MAPRE2: variants seen among roughly 807,000 people sequenced by gnomAD.
MAPRE2 encodes microtubule associated protein RP/EB family member 2, also known as microtubule-associated protein RP/EB family member 2.
In MAPRE2, 13 loss-of-function variants were observed where a neutral mutation model predicts 43.2. The observed-to-expected ratio is 0.30, with a 90% confidence interval of 0.20 to 0.48. The LOEUF is 0.48. MAPRE2 is among the 20% of genes least tolerant of loss of function. The pLI is 0.99. For missense variants in MAPRE2, 161 were observed against 400.2 expected, an observed-to-expected ratio of 0.40 and a Z score of 5.10; for synonymous variants, 135 against 148.8, an observed-to-expected ratio of 0.91 and a Z score of 0.68.
At chr18:35,038,167 T>G (rs1004461038), upstream of MAPRE2, among the ~76,000 whole-genome samples, 1 of 152,174 alleles carries the variant, frequency 6.6e-6, no homozygotes, top group African/African-American at 2.4e-5. Context: ...ACTTCACCTC[T>G]GCTGTAAAGA....
intron 6 of MAPRE2, among the ~76,000 whole-genome samples, chr18:35,135,729 T>G (rs1361760462): frequency 1.3e-5 from 2 of 152,238 alleles, no homozygotes; most frequent in Non-Finnish European, 2.9e-5. Context: ...AGCCCCACAC[T>G]TGTGTGATGG....
At chr18:35,084,280 AAAT>A (rs1214365821) in intron 2 of MAPRE2, among the ~76,000 whole-genome samples, 4 of 152,196 alleles carry the variant, frequency 2.6e-5, no homozygotes, top group African/African-American at 9.7e-5. Context: ...TCTCAAAAAA[AAAT>A]AATAAATAAA....
intron 1 of MAPRE2, among the ~76,000 whole-genome samples, chr18:34,992,759 C>T (rs1480242184): frequency 1.3e-5 from 2 of 152,104 alleles, no homozygotes; most frequent in Non-Finnish European, 2.9e-5. Flanking sequence ...TTTAAACATC[C>T]ATTTAACATA....
At chr18:34,987,931 C>T (rs1333011654) in intron 1 of MAPRE2, among the ~76,000 whole-genome samples, 2 of 152,206 alleles carry the variant, frequency 1.3e-5, no homozygotes, top group African/African-American at 2.4e-5. Context: ...GCATGAGCCA[C>T]CGCACCTGGC....
At position 35,013,269 on chromosome 18, in the gene MAPRE2, G is replaced by C. The variant is rs527664120; in HGVS notation, c.-8+7716G>C. ...ATGGAGACAGAAAGCAGGACCTGTG[G>C]GGAAGAAGAGTTGATTTAAGGTAGA... On this transcript the variant is annotated intron_variant, in intron 2 of 7. Coordinates refer to the MAPRE2 transcript ENST00000413393. Among the ~76,000 whole-genome samples the C allele has an allele frequency of 2.6e-5, 4 of 152,232 alleles. No individual in the cohort carries two copies. The East Asian group carries it at 7.7e-4, about 29-fold the overall frequency.
intron 1 of MAPRE2, among the ~76,000 whole-genome samples, chr18:35,003,995 C>T (rs1232549466): frequency 1.3e-5 from 2 of 152,160 alleles, no homozygotes; most frequent in Non-Finnish European, 2.9e-5. Context: ...ACACTATGTA[C>T]ACCATTCATG....
At position 34,998,573 on chromosome 18, in the gene MAPRE2, C is replaced by T. The variant is rs191420461; in HGVS notation, c.-69-6919C>T. ...CGATCTCCTGACCTCGTGATCTGCC[C>T]GCCTCGGCCTCCCAAAGTGCTGGGA... On this transcript the variant is annotated intron_variant, in intron 1 of 7. Transcript: ENST00000413393. Among the ~76,000 whole-genome samples the T allele has an allele frequency of 7.9e-3, 1,204 of 151,678 alleles. 17 individuals are homozygous for T. The highest frequency in any genetic ancestry group is 0.028 in the African/African-American group (1,140 of 41,358).
chr18:35,128,910 G>C (rs549611178), intron 5 of MAPRE2, among the ~76,000 whole-genome samples: 1 of 152,144 alleles, frequency 6.6e-6, no homozygotes, highest in Admixed American at 6.5e-5. Flanking sequence ...CCCCTCCTTG[G>C]GGCTGGCTGT....
chr18:35,021,142 G>C (rs1461953925), intron 2 of MAPRE2, among the ~76,000 whole-genome samples: 1 of 152,128 alleles, frequency 6.6e-6, no homozygotes, highest in Non-Finnish European at 1.5e-5. Context: ...GGAGGATTAA[G>C]GAAGAAAGAT....
intron 2 of MAPRE2, among the ~76,000 whole-genome samples, chr18:35,022,455 GA>G (rs1303130515): frequency 1.3e-5 from 2 of 151,878 alleles, no homozygotes; most frequent in Admixed American, 1.3e-4. Context: ...AAAAGCTCTA[GA>G]AAAAAATATA....
intron 1 of MAPRE2, among the ~76,000 whole-genome samples, chr18:35,002,835 C>T (rs982585276): frequency 6.6e-6 from 1 of 152,024 alleles, no homozygotes; most frequent in Non-Finnish European, 1.5e-5. Flanking sequence ...CTTGCAAATA[C>T]TTTCTTCTAG....
chr18:35,038,853 G>T (rs1390115209), upstream of MAPRE2, among the ~76,000 whole-genome samples: 1 of 152,086 alleles, frequency 6.6e-6, no homozygotes, highest in African/African-American at 2.4e-5. Context: ...GAGTTCTGTG[G>T]GTCCCTTTAT....
chr18:35,083,164 T>C (rs1055657669), intron 2 of MAPRE2, among the ~76,000 whole-genome samples: 2 of 152,212 alleles, frequency 1.3e-5, no homozygotes, highest in African/African-American at 4.8e-5. Flanking sequence ...TTCTTAAGTC[T>C]TACCTTAAAT....
Position 34,998,772 on chromosome 18 carries a change from A to ATTTTTTTTTTTTTTTTTTTTTTTTTTTTT in MAPRE2, c.-69-6692_-69-6691insTTTTTTTTTTTTTTTTTTTTTTTTTTTTT, listed in dbSNP as rs67933808. Among the ~76,000 whole-genome samples, 3 of 93,726 alleles carry ATTTTTTTTTTTTTTTTTTTTTTTTTTTTT rather than the reference A, an allele frequency of 3.2e-5. 1 individual carries two copies. Among genetic ancestry groups the ATTTTTTTTTTTTTTTTTTTTTTTTTTTTT allele is most frequent in the African/African-American group, 1.5e-4 (3 of 20,168 alleles). 61.5% of individuals were successfully genotyped at this position (93,726 alleles called of 152,430 possible). ...GCCACTGAGCCTGGCCGAAGTTGCA[A>ATTTTTTTTTTTTTTTTTTTTTTTTTTTTT]TTTTTTTTTTTTTTTTTTTTTTTTT... On this transcript the variant is annotated intron_variant, in intron 1 of 7. Transcript: ENST00000413393.
At chr18:35,128,991 C>T (rs1910027720) in intron 5 of MAPRE2, among the ~76,000 whole-genome samples, 1 of 152,210 alleles carries the variant, frequency 6.6e-6, no homozygotes, top group African/African-American at 2.4e-5. Context: ...TAAAATGCCT[C>T]CACTAAACCA....
intron 2 of MAPRE2, among the ~76,000 whole-genome samples, chr18:35,079,465 A>C (rs1907529953): frequency 1.3e-5 from 2 of 152,204 alleles, no homozygotes; most frequent in Non-Finnish European, 2.9e-5. Context: ...ACGTAAAAGG[A>C]CTTACTAATG....
intron 2 of MAPRE2, among the ~76,000 whole-genome samples, chr18:35,030,620 T>C (rs759063363): frequency 6.6e-6 from 1 of 152,234 alleles, no homozygotes; most frequent in East Asian, 1.9e-4. Flanking sequence ...ATAAAAAGTA[T>C]TCAAATATTA....
intron 2 of MAPRE2, among the ~76,000 whole-genome samples, chr18:35,077,937 G>A (rs1447481572): frequency 6.6e-6 from 1 of 152,102 alleles, no homozygotes; most frequent in Non-Finnish European, 1.5e-5. Context: ...TTAAAAACAT[G>A]TCAATCACTT....
At position 35,001,373 on chromosome 18, in the gene MAPRE2, G is replaced by T. The variant is rs563502747; in HGVS notation, c.-69-4119G>T. Among the ~76,000 whole-genome samples the T allele has an allele frequency of 1.8e-3, 277 of 152,296 alleles. 2 individuals are homozygous for T. Among genetic ancestry groups the T allele is most frequent in the Non-Finnish European group, 3.3e-3 (223 of 68,018 alleles). On this transcript the variant is annotated intron_variant, in intron 1 of 7. Transcript: ENST00000413393. ...ACTAAAAAAATACAAAAATTAGTGG[G>T]TGTGGTGGCACATGCCTGTAATCCC...
Sources: allele counts gnomAD v4.1 joint callset (sites outside exome capture counted in the v4.1 genomes callset), GRCh38; gene constraint gnomAD v4.1.1; transcripts MANE v1.5; gene names NCBI Gene and HGNC (gene_info 2026-07-23, HGNC 2026-07-21).